The following STK39 variants were observed in gnomAD, a reference collection of about 807,000 sequenced individuals.
STK39 encodes the protein serine/threonine kinase 39, also known as STE20/SPS1-related proline-alanine-rich protein kinase.
A neutral mutation model predicts 77.8 loss-of-function variants in STK39; 20 were observed. The observed-to-expected ratio is 0.26, with a 90% CI of 0.18 to 0.37. The LOEUF (loss-of-function observed/expected upper bound fraction) is 0.37. STK39 is among the 10% of genes least tolerant of loss of function. STK39 has a pLI of 1.00. For missense variants in STK39, 479 were observed against 656.5 expected (o/e 0.73, Z 2.95); for synonymous variants, 246 against 234.1 (o/e 1.05, Z -0.47).
Position 168,192,253 on chromosome 2 carries a change from G to T in STK39, c.209-10163C>A, listed in dbSNP as rs185873418. On this transcript the variant is annotated intron_variant, in intron 1 of 17. Transcript: ENST00000355999. ...CAGGCAAAGAAGGAACATGGAAGGA[G>T]GTCTGCTGACTACCAACCCAACACC... Among the ~76,000 whole-genome samples, 246 of 152,144 alleles carry T rather than the reference G, an allele frequency of 1.6e-3. 1 individual carries two copies. The highest frequency in any genetic ancestry group is 5.7e-3 in the African/African-American group (236 of 41,484).
chr2:168,155,028 C>T (rs530044641), intron 5 of STK39, among the ~76,000 whole-genome samples: 40 of 152,236 alleles, frequency 2.6e-4, no homozygotes, highest in Non-Finnish European at 4.7e-4. Context: ...GAATTGCAGG[C>T]CCTTACAGGA....
intron 2 of STK39, among the ~76,000 whole-genome samples, chr2:168,173,089 A>G (rs1317116434): frequency 2.0e-5 from 3 of 152,102 alleles, no homozygotes; most frequent in Non-Finnish European, 4.4e-5. Flanking sequence ...GCTGAAATGT[A>G]TTTTTCTTTC....
At chr2:168,135,891 T>A (rs548385109) in intron 8 of STK39, among the ~76,000 whole-genome samples, 2 of 151,978 alleles carry the variant, frequency 1.3e-5, no homozygotes, top group Non-Finnish European at 2.9e-5. Context: ...CTTAAAAGAT[T>A]AATACTTTGT....
chr2:168,235,825 GT>G (rs1033886689), intron 1 of STK39, among the ~76,000 whole-genome samples: 1 of 152,094 alleles, frequency 6.6e-6, no homozygotes, highest in Non-Finnish European at 1.5e-5. Context: ...TGGTGTATAT[GT>G]GCCACATTTT....
At chr2:168,074,745 T>TG (rs755265312) in intron 12 of STK39, among the ~76,000 whole-genome samples, 4 of 152,200 alleles carry the variant, frequency 2.6e-5, no homozygotes, top group Non-Finnish European at 5.9e-5. Flanking sequence ...TTCTTATAAG[T>TG]ACTGGGATCA....
At chr2:168,208,933 ACTTGT>A (rs1181424356) in intron 1 of STK39, among the ~76,000 whole-genome samples, 1 of 152,134 alleles carries the variant, frequency 6.6e-6, no homozygotes, top group Non-Finnish European at 1.5e-5. Context: ...CAAGAAATAC[ACTTGT>A]GTTGTGCTAA....
chr2:167,989,758 T>C (rs1574371264), intron 16 of STK39, among the ~76,000 whole-genome samples: 1 of 152,204 alleles, frequency 6.6e-6, no homozygotes, highest in Non-Finnish European at 1.5e-5. Flanking sequence ...ATTTATGTTA[T>C]ACACATTATA....
At chr2:168,062,086 CAGAGACACTAAAAAAA>C (rs1441738620) in intron 14 of STK39, among the ~76,000 whole-genome samples, 1 of 152,124 alleles carries the variant, frequency 6.6e-6, no homozygotes, top group Admixed American at 6.5e-5. Context: ...AAACATCCAG[CAGAGACACTAAAAAAA>C]AGATTCCTGC....
At chr2:168,216,563 CAGG>C (rs768814187) in intron 1 of STK39, among the ~76,000 whole-genome samples, 8 of 152,258 alleles carry the variant, frequency 5.3e-5, no homozygotes, top group Non-Finnish European at 8.8e-5. Flanking sequence ...TTGGACAGTC[CAGG>C]AGAAGGGGCT....
At chr2:168,005,032 G>C (rs1684093685) in intron 16 of STK39, among the ~76,000 whole-genome samples, 1 of 117,572 alleles carries the variant, frequency 8.5e-6, no homozygotes, top group Non-Finnish European at 1.6e-5. Flanking sequence ...TTGAGACAGA[G>C]TCTCGCTCTG....
intron 1 of STK39, among the ~76,000 whole-genome samples, chr2:168,209,856 A>C (rs10207243): frequency 1.3e-5 from 2 of 152,014 alleles, no homozygotes; most frequent in Admixed American, 1.3e-4. Flanking sequence ...AAAACTAATC[A>C]GGCGTGGTGG....
chr2:168,191,753 T>C (rs1185903386), intron 1 of STK39, among the ~76,000 whole-genome samples: 1 of 152,122 alleles, frequency 6.6e-6, no homozygotes, highest in Non-Finnish European at 1.5e-5. Flanking sequence ...CAGGGGCTAT[T>C]AGGAAAATGG....
intron 10 of STK39, among the ~76,000 whole-genome samples, chr2:168,088,557 G>C (rs926353143): frequency 1.3e-5 from 2 of 152,152 alleles, no homozygotes; most frequent in South Asian, 4.1e-4. Context: ...ATAGAAACAT[G>C]TTTTTATTCT....
At chr2:168,053,860 T>C (rs984015686) in intron 14 of STK39, among the ~76,000 whole-genome samples, 2 of 152,190 alleles carry the variant, frequency 1.3e-5, no homozygotes, top group Non-Finnish European at 2.9e-5. Flanking sequence ...AAGACCCAGA[T>C]GCTAGCCAGC....
chr2:168,117,670 T>C (rs1687293568), intron 10 of STK39, among the ~76,000 whole-genome samples: 2 of 151,818 alleles, frequency 1.3e-5, no homozygotes, highest in Admixed American at 6.6e-5. Flanking sequence ...GAGGCCTTCA[T>C]GGTGCATGTG....
At chr2:168,171,935 A>G (rs1018075699) in intron 2 of STK39, among the ~76,000 whole-genome samples, 1 of 141,090 alleles carries the variant, frequency 7.1e-6, no homozygotes, top group African/African-American at 2.6e-5. Flanking sequence ...ACTAGCAAGG[A>G]TCTGATCCTC....
At chr2:168,106,120 G>A (rs1047561360) in intron 10 of STK39, among the ~76,000 whole-genome samples, 6 of 152,186 alleles carry the variant, frequency 3.9e-5, no homozygotes, top group African/African-American at 1.4e-4. Flanking sequence ...GCACCACCAT[G>A]CGCAGCTAAT....
chr2:168,041,354 C>T (rs537561233), intron 14 of STK39, among the ~76,000 whole-genome samples: 6 of 151,636 alleles, frequency 4.0e-5, no homozygotes, highest in African/African-American at 1.4e-4. Flanking sequence ...GAAAGGAAGC[C>T]ATTGATCACA....
rs1389155717 is a variant in STK39 at position 168,054,733 on chromosome 2, C to T, written c.1376+8767G>A. 2.6e-5 allele frequency among the ~76,000 whole-genome samples: 4 copies of T among 151,410 alleles called. No homozygotes were observed. The East Asian group carries it at 5.8e-4, about 22-fold the overall frequency. On this transcript the variant is annotated intron_variant, in intron 14 of 17. Coordinates refer to ENST00000355999, the MANE Select transcript of STK39 (RefSeq NM_013233.3). ...CACAGCATGACACTGACCCTGGATT[C>T]GTCCTATCCATTACTCTTCTCAAAA...
Sources: allele counts gnomAD v4.1 joint callset (sites outside exome capture counted in the v4.1 genomes callset), GRCh38; gene constraint gnomAD v4.1.1; transcripts MANE v1.5; gene names NCBI Gene and HGNC (gene_info 2026-07-23, HGNC 2026-07-21).